Variants in SLC4A3 observed in about 807,000 individuals in gnomAD.
The protein encoded by SLC4A3 is solute carrier family 4 member 3.
A neutral mutation model predicts 114.2 loss-of-function variants in SLC4A3; 47 were observed. That is an observed-to-expected ratio of 0.41 (90% CI 0.33 to 0.52). The LOEUF is 0.52. SLC4A3 is among the 20% of genes least tolerant of loss of function. The probability of loss-of-function intolerance (pLI) is 0.21; values close to 1 mark genes in which losing one functional copy is unlikely to be tolerated. For missense variants in SLC4A3, 1,312 were observed against 1,668.3 expected, an observed-to-expected ratio of 0.79 and a Z score of 3.72; for synonymous variants, 693 against 710.3, an observed-to-expected ratio of 0.98 and a Z score of 0.39.
chr2:219,638,922 C>A lies in SLC4A3; in HGVS notation c.3023+53C>A. 6.3e-7 allele frequency: 1 copy of A among 1,585,926 alleles called. No individual in the cohort carries two copies. ...AGGGACGAGGCCAAGCTCCTTGGCTCCTTGGCTTGGTTTCAGGGTTATAGC... is the reference window on the plus strand; with the variant it reads ...AGGGACGAGGCCAAGCTCCTTGGCTACTTGGCTTGGTTTCAGGGTTATAGC... On this transcript the variant is annotated intron_variant, in intron 19 of 22. Coordinates refer to ENST00000358055, the MANE Select transcript of SLC4A3 (RefSeq NM_005070.4). The surrounding 1 kb of genome is among the most constrained non-coding windows in gnomAD (Gnocchi z 7.5).
chr2:219,631,087 G>T lies in SLC4A3; in HGVS notation c.811+735G>T. 1 of 1,142,320 alleles carries T rather than the reference G, an allele frequency of 8.8e-7. No individual in the cohort carries two copies. The allele number at this position is 1,142,320 out of a possible 1,614,324, so 70.8% of individuals were successfully genotyped here. A position where few individuals can be genotyped will look rare whatever the true frequency, so the allele number is the denominator to read the frequency against. On this transcript the variant is annotated intron_variant, in intron 6 of 22. Coordinates refer to ENST00000358055, the MANE Select transcript of SLC4A3 (RefSeq NM_005070.4). The surrounding 1 kb of genome is among the most constrained non-coding windows in gnomAD (Gnocchi z 6.3). ...CAGGGTGGGGGCTGGATGCCGCAGG[G>T]AGCAGGCTTGTGGACTTGGGGAGTT...
In SLC4A3 at chr2:219,629,201, C is replaced by T. The variant is rs776683563; in HGVS notation, c.275C>T (p.Pro92Leu). ...HHPLSARLPPPHKLRRLPPTS... is the reference protein window; with the variant it reads ...HHPLSARLPPLHKLRRLPPTS... ...CCGCTCTCAGCGCGCCTGCCTCCAC[C>T]CCACAAGCTGCGGCGGCTGCCCCCC... The change falls in exon 4 of 23, where the codon CCC becomes CTC. Residue 92 changes from proline (P) to leucine (L), a missense_variant. Pro to Leu is a moderately conservative substitution (Grantham distance 98). Around this residue, in one of 4 missense-constraint regions of SLC4A3, gnomAD observed 236 missense variants for 212.1 expected, o/e 1.11. Coordinates refer to ENST00000358055, the MANE Select transcript of SLC4A3 (RefSeq NM_005070.4). 2 of 1,612,520 alleles carry T rather than the reference C, an allele frequency of 1.2e-6. No homozygotes were observed. Among genetic ancestry groups the T allele is most frequent in the Non-Finnish European group, 1.7e-6 (2 of 1,179,340 alleles).
rs12993807 is a variant in SLC4A3 at position 219,631,707 on chromosome 2, G to A, written c.812-261G>A. On this transcript the variant is annotated intron_variant, in intron 6 of 22. Transcript: ENST00000358055. This position sits in a 1 kb window ranked among gnomAD's most constrained non-coding sequence, Gnocchi z 6.3. Reference sequence around the variant, plus strand: ...GGCAGGGGCTGGAGGGTCTGGCTGGGGCTGTGGACTGAGCTGGGTCTACCT... The same window carrying A: ...GGCAGGGGCTGGAGGGTCTGGCTGGAGCTGTGGACTGAGCTGGGTCTACCT... 0.029 allele frequency among the ~76,000 whole-genome samples: 4,368 copies of A among 152,248 alleles called. 71 individuals are homozygous for A. The highest frequency in any genetic ancestry group is 0.043 in the Non-Finnish European group (2,958 of 68,004).
chr2:219,628,335 C>A lies in SLC4A3; in HGVS notation c.52-70C>A. 1 of 1,442,074 alleles carries A rather than the reference C, an allele frequency of 6.9e-7. No individual in the cohort carries two copies. Among genetic ancestry groups the A allele is most frequent in the East Asian group, 2.4e-5 (1 of 42,206 alleles). 89.3% of individuals were successfully genotyped at this position (1,442,074 alleles called of 1,614,324 possible). ...GCCTGCTGAGCTCCCCCAACTAGGG[C>A]TTGGAGTTGGGGTGGGTGTGGGGCC... On this transcript the variant is annotated intron_variant, in intron 2 of 22. Transcript: ENST00000358055. This position sits in a 1 kb window ranked among gnomAD's most constrained non-coding sequence, Gnocchi z 4.8.
Position 219,635,469 on chromosome 2 carries a change from C to G in SLC4A3, c.1945C>G (p.Arg649Gly). 1.2e-6 allele frequency: 2 copies of G among 1,613,204 alleles called. No homozygotes were observed. The highest frequency in any genetic ancestry group is 1.7e-6 in the Non-Finnish European group (2 of 1,179,566). The change falls in exon 13 of 23, where the codon CGG becomes GGG. Residue 649 changes from arginine (R) to glycine (G), a missense_variant. By Grantham distance (125) the Arg-to-Gly change is moderately radical. Transcript: ENST00000358055. The stretch of plus-strand genomic sequence containing the variant: ...ACAGACCAAAGTCGAGATGACCACA[C>G]GGGGTGGCTACACGGCCCCTGGGAA... ...REQTKVEMTT[R>G]GGYTAPGKEL...
chr2:219,633,266 C>T lies in SLC4A3; in HGVS notation c.1278-8C>T, dbSNP rs749366574. 2.4e-5 allele frequency: 37 copies of T among 1,550,534 alleles called. No individual in the cohort carries two copies. The highest frequency in any genetic ancestry group is 3.0e-5 in the Non-Finnish European group (34 of 1,143,668). On this transcript the variant is annotated splice_polypyrimidine_tract_variant and splice_region_variant and intron_variant, in intron 9 of 22. Coordinates refer to ENST00000358055, the MANE Select transcript of SLC4A3 (RefSeq NM_005070.4). ...TCCTCCTCACCTGCCTCACCCTGCC[C>T]CTTCCAGCCATCCCAACGATGACAA...
rs1443197782 is a variant in SLC4A3 at position 219,631,231 on chromosome 2, C to T, written c.812-737C>T. 8.0e-7 allele frequency: 1 copy of T among 1,250,626 alleles called. No individual in the cohort carries two copies. Among genetic ancestry groups the T allele is most frequent in the Admixed American group, 2.6e-5 (1 of 37,998 alleles). 77.5% of individuals were successfully genotyped at this position (1,250,626 alleles called of 1,614,324 possible). A position where few individuals can be genotyped will look rare whatever the true frequency, so the allele number is the denominator to read the frequency against. ...GGAGCGGAGGCCGAGGTCTCGGCCA[C>T]CGGGAGAATGACGAGCCCACTGGAG... On this transcript the variant is annotated intron_variant, in intron 6 of 22. Coordinates refer to ENST00000358055, the MANE Select transcript of SLC4A3 (RefSeq NM_005070.4). The surrounding 1 kb of genome is among the most constrained non-coding windows in gnomAD (Gnocchi z 6.3).
Position 219,630,466 on chromosome 2 carries a change from T to TCA in SLC4A3, c.811+115_811+116insAC. On this transcript the variant is annotated intron_variant, in intron 6 of 22. Transcript: ENST00000358055. This position sits in a 1 kb window ranked among gnomAD's most constrained non-coding sequence, Gnocchi z 6.9. The stretch of plus-strand genomic sequence containing the variant: ...TGCTAAGGGCTGAGTCCTCTCTGAA[T>TCA]CCCTGTCTGCTGGGATGTGGCCAGT... The TCA allele has an allele frequency of 1.7e-6, 2 of 1,159,088 alleles. No individual in the cohort carries two copies. The highest frequency in any genetic ancestry group is 2.4e-6 in the Non-Finnish European group (2 of 839,806). 71.8% of individuals were successfully genotyped at this position (1,159,088 alleles called of 1,614,324 possible). A position where few individuals can be genotyped will look rare whatever the true frequency, so the allele number is the denominator to read the frequency against.
rs748569877 is a variant in SLC4A3 at position 219,637,849 on chromosome 2, A to T, written c.2766+38A>T. On this transcript the variant is annotated intron_variant, in intron 17 of 22. Coordinates refer to ENST00000358055, the MANE Select transcript of SLC4A3 (RefSeq NM_005070.4). The surrounding 1 kb of genome is among the most constrained non-coding windows in gnomAD (Gnocchi z 4.6). ...TGGGTGTGGAGCCCCCAAGAGTCCC[A>T]CAATTCCTGCTGTAGGAGCTCCCCA... is the stretch of plus-strand genomic sequence containing the variant. The T allele has an allele frequency of 5.3e-6, 8 of 1,508,690 alleles. No individual in the cohort carries two copies. The highest frequency in any genetic ancestry group is 7.4e-6 in the Non-Finnish European group (8 of 1,084,876). 93.5% of individuals were successfully genotyped at this position (1,508,690 alleles called of 1,614,324 possible). A position where few individuals can be genotyped will look rare whatever the true frequency, so the allele number is the denominator to read the frequency against.
rs768372058 is a variant in SLC4A3, at chr2:219,638,268, G to T, written c.2856+15G>T. ...CCTACACGCAGGTGAGGGAGCCCCA[G>T]CCTGTGGCAGCTGCTGTCACCCCCA... On this transcript the variant is annotated intron_variant, in intron 18 of 22. Coordinates refer to ENST00000358055, the MANE Select transcript of SLC4A3 (RefSeq NM_005070.4). This position sits in a 1 kb window ranked among gnomAD's most constrained non-coding sequence, Gnocchi z 7.5. 1 of 1,586,468 alleles carries T rather than the reference G, an allele frequency of 6.3e-7. No homozygotes were observed. Among genetic ancestry groups the T allele is most frequent in the Non-Finnish European group, 8.6e-7 (1 of 1,157,802 alleles).
Position 219,632,397 on chromosome 2 carries a change from C to A in SLC4A3, c.1096C>A (p.Leu366Ile). 1 of 1,611,590 alleles carries A rather than the reference C, an allele frequency of 6.2e-7. No individual in the cohort carries two copies. Among genetic ancestry groups the A allele is most frequent in the Non-Finnish European group, 8.5e-7 (1 of 1,178,744 alleles). Residue 366 changes from leucine to isoleucine, a missense_variant, in exon 8 of 23, where the codon CTC becomes ATC. Leu to Ile is a conservative substitution (Grantham distance 5). This residue lies in a region of SLC4A3 where 771 missense variants were observed against 977.7 expected (regional missense o/e 0.79). Transcript: ENST00000358055. The part of the protein sequence containing the change: ...ERWGKPHVAS[L>I]SFRSLLELRR... Reference sequence around the variant, plus strand: ...CTGGGGGAAGCCCCATGTTGCCTCGCTCTCCTTCCGTAGCCTTCTGGAGCT... The same window carrying A: ...CTGGGGGAAGCCCCATGTTGCCTCGATCTCCTTCCGTAGCCTTCTGGAGCT...
intron 14 of SLC4A3, 29 bp downstream of exon 14, chr2:219,635,920 G>A (rs777043801): frequency 6.9e-7 from 1 of 1,453,170 alleles, no homozygotes; most frequent in Non-Finnish European, 9.1e-7. Flanking sequence ...GGGAGTTGAG[G>A]GGCTCCTCTA....
Position 219,631,896 on chromosome 2 carries a change from A to C in SLC4A3, c.812-72A>C. The C allele has an allele frequency of 1.3e-6, 2 of 1,496,122 alleles. No homozygotes were observed. Among genetic ancestry groups the C allele is most frequent in the Non-Finnish European group, 1.8e-6 (2 of 1,114,650 alleles). 92.7% of individuals were successfully genotyped at this position (1,496,122 alleles called of 1,614,324 possible). A position where few individuals can be genotyped will look rare whatever the true frequency, so the allele number is the denominator to read the frequency against. ...AGCTCACCAAGTAGATGGGTTGGGC[A>C]GAAGGAGCTGGGCCGTGACCCCGAG... On this transcript the variant is annotated intron_variant, in intron 6 of 22. Transcript: ENST00000358055. This position sits in a 1 kb window ranked among gnomAD's most constrained non-coding sequence, Gnocchi z 6.3.
In SLC4A3 at chr2:219,628,024, G is replaced by T; in HGVS notation, c.32G>T (p.Gly11Val). Residue 11 changes from glycine to valine, a missense_variant, in exon 2 of 23, where the codon GGC (glycine) becomes GTC (valine). Transcript: ENST00000358055. The surrounding 1 kb of genome is among the most constrained non-coding windows in gnomAD (Gnocchi z 4.8). Reference protein sequence around the residue: MANGVIPPPGGASPLPQVRVP... With the variant: MANGVIPPPGVASPLPQVRVP... ...AACGGAGTGATCCCGCCGCCCGGGGGCGCCTCCCCCCTACCCCAGGTGATC... is the reference window on the plus strand; with the variant it reads ...AACGGAGTGATCCCGCCGCCCGGGGTCGCCTCCCCCCTACCCCAGGTGATC... 1.3e-6 allele frequency: 2 copies of T among 1,586,612 alleles called. No homozygotes were observed. The highest frequency in any genetic ancestry group is 1.7e-6 in the Non-Finnish European group (2 of 1,168,862).
At position 219,629,561 on chromosome 2, in the gene SLC4A3, G is replaced by T. The variant is rs761793808; in HGVS notation, c.496-19G>T. On this transcript the variant is annotated intron_variant, in intron 4 of 22. Coordinates refer to ENST00000358055, the MANE Select transcript of SLC4A3 (RefSeq NM_005070.4). ...TGGTAGGTCGGGGCAAGGCCCCAGGGCACATTCTATGTCTGCAGTTCTCCA... is the reference window on the plus strand; with the variant it reads ...TGGTAGGTCGGGGCAAGGCCCCAGGTCACATTCTATGTCTGCAGTTCTCCA... The T allele has an allele frequency of 3.4e-5, 54 of 1,600,140 alleles. No homozygotes were observed. In the East Asian group the frequency reaches 1.1e-3, roughly 33 times the overall value.
In SLC4A3 at chr2:219,641,666, G is replaced by A. The variant is rs576609410; in HGVS notation, c.3637G>A (p.Ala1213Thr). The stretch of plus-strand genomic sequence containing the variant: ...CCCTCTGCAGCTGGACTCGGAAGAT[G>A]CTGAACCAAACTTCGATGAGGATGG... ...RELQALDSED[A>T]EPNFDEDGQD... Residue 1213 changes from alanine (A) to threonine (T), a missense_variant, in exon 23 of 23, where the codon GCT (alanine) becomes ACT (threonine). Transcript: ENST00000358055. This position sits in a 1 kb window ranked among gnomAD's most constrained non-coding sequence, Gnocchi z 4.0. The A allele has an allele frequency of 8.5e-5, 138 of 1,614,118 alleles. No individual in the cohort carries two copies. The South Asian group carries it at 1.3e-3, about 15-fold the overall frequency.
Position 219,631,697 on chromosome 2 carries a change from G to A in SLC4A3, c.812-271G>A, listed in dbSNP as rs1698928647. Among the ~76,000 whole-genome samples the A allele has an allele frequency of 6.6e-6, 1 of 152,080 alleles. No homozygotes were observed. The highest frequency in any genetic ancestry group is 1.5e-5 in the Non-Finnish European group (1 of 67,998). On this transcript the variant is annotated intron_variant, in intron 6 of 22. Transcript: ENST00000358055. The surrounding 1 kb of genome is among the most constrained non-coding windows in gnomAD (Gnocchi z 6.3). ...CAGTGGCCATGGCAGGGGCTGGAGG[G>A]TCTGGCTGGGGCTGTGGACTGAGCT... is the stretch of plus-strand genomic sequence containing the variant.
chr2:219,630,685 G>A lies in SLC4A3; in HGVS notation c.811+333G>A, dbSNP rs1160808501. ...GGGGTGAACTCTCTGTCTCCTCTTT[G>A]ATCCCCTCCAAACCAGGCCCTGAGT... On this transcript the variant is annotated intron_variant, in intron 6 of 22. Transcript: ENST00000358055. The surrounding 1 kb of genome is among the most constrained non-coding windows in gnomAD (Gnocchi z 6.9). Among the ~76,000 whole-genome samples the A allele has an allele frequency of 6.6e-6, 1 of 152,054 alleles. No individual in the cohort carries two copies. Among genetic ancestry groups the A allele is most frequent in the Non-Finnish European group, 1.5e-5 (1 of 68,018 alleles).
chr2:219,636,263 C>T lies in SLC4A3; in HGVS notation c.2192-39C>T, dbSNP rs1482649514. On this transcript the variant is annotated intron_variant, in intron 14 of 22. Coordinates refer to ENST00000358055, the MANE Select transcript of SLC4A3 (RefSeq NM_005070.4). This position sits in a 1 kb window ranked among gnomAD's most constrained non-coding sequence, Gnocchi z 5.5. ...CTAGATGAAGAAGGGGGCAGATAGACAGAGCCAGGCTAGGGCCATCCTACC... is the reference window on the plus strand; with the variant it reads ...CTAGATGAAGAAGGGGGCAGATAGATAGAGCCAGGCTAGGGCCATCCTACC... 2 of 1,610,484 alleles carry T rather than the reference C, an allele frequency of 1.2e-6. No individual in the cohort carries two copies. The highest frequency in any genetic ancestry group is 1.7e-6 in the Non-Finnish European group (2 of 1,179,356).
Sources: allele counts gnomAD v4.1 joint callset (sites outside exome capture counted in the v4.1 genomes callset), GRCh38; gene constraint gnomAD v4.1.1; regional missense constraint gnomAD v4.1.1; non-coding constraint Gnocchi (gnomAD v3.1); transcripts MANE v1.5; gene names NCBI Gene and HGNC (gene_info 2026-07-23, HGNC 2026-07-21).